OSBPL3: variants seen among roughly 807,000 people sequenced by gnomAD.
The protein encoded by OSBPL3 is oxysterol-binding protein-related protein 3.
A neutral mutation model predicts 120.1 loss-of-function variants in OSBPL3; 65 were observed. That is an observed-to-expected ratio of 0.54 (90% CI 0.44 to 0.67). The LOEUF (loss-of-function observed/expected upper bound fraction) is 0.67. Among genes scored for constraint, OSBPL3 ranks in the 30% least tolerant of loss-of-function variants. The pLI, the probability that OSBPL3 is intolerant of heterozygous loss-of-function variation, is 0.00. For synonymous variants in OSBPL3, 416 were observed against 402.6 expected, an observed-to-expected ratio of 1.03 and a Z score of -0.40; for missense variants, 1,004 against 1,082.1, an observed-to-expected ratio of 0.93 and a Z score of 1.01.
In OSBPL3 at chr7:24,869,024, T is replaced by G. The variant is rs148014321; in HGVS notation, c.381+1708A>C. Among the ~76,000 whole-genome samples the G allele has an allele frequency of 4.0e-3, 616 of 152,280 alleles. 6 individuals are homozygous for G. Among genetic ancestry groups the G allele is most frequent in the African/African-American group, 0.014 (584 of 41,542 alleles). ...CAGGATCCCTTATCTATAAAATAAA[T>G]GGGACCAAACAGCCCACAATTAAAA... On this transcript the variant is annotated intron_variant, in intron 5 of 22. Transcript: ENST00000313367.
At chr7:24,809,146 T>C (rs1175121004) in intron 20 of OSBPL3, among the ~76,000 whole-genome samples, 3 of 152,146 alleles carry the variant, frequency 2.0e-5, no homozygotes, top group Non-Finnish European at 2.9e-5. Context: ...TGGTTTTCTG[T>C]TTGGTTTTTT....
Position 24,800,708 on chromosome 7 carries a change from C to T in OSBPL3, c.2568-429G>A, listed in dbSNP as rs185011350. Among the ~76,000 whole-genome samples the T allele has an allele frequency of 1.4e-3, 209 of 152,048 alleles. 1 individual carries two copies. The highest frequency in any genetic ancestry group is 4.7e-3 in the African/African-American group (195 of 41,486). ...CTGACCTCAGGTGATCCACCCACTTCGGACTCCCAAAGTGCTGGGATTACA... is the reference window on the plus strand; with the variant it reads ...CTGACCTCAGGTGATCCACCCACTTTGGACTCCCAAAGTGCTGGGATTACA... On this transcript the variant is annotated intron_variant, in intron 22 of 22. Coordinates refer to ENST00000313367, the MANE Select transcript of OSBPL3 (RefSeq NM_015550.4).
Position 24,967,427 on chromosome 7 carries a change from C to G in OSBPL3, c.-150+12459G>C, listed in dbSNP as rs1816513135. On this transcript the variant is annotated intron_variant, in intron 1 of 22. Transcript: ENST00000313367. The surrounding 1 kb of genome is among the most constrained non-coding windows in gnomAD (Gnocchi z 5.6). ...CTTTTGAAATTGTACCAGGACACTTCAAGGTCCTGCTCTATTAACACCCTT... is the reference window on the plus strand; with the variant it reads ...CTTTTGAAATTGTACCAGGACACTTGAAGGTCCTGCTCTATTAACACCCTT... Among the ~76,000 whole-genome samples the G allele has an allele frequency of 6.6e-6, 1 of 152,152 alleles. No homozygotes were observed. The highest frequency in any genetic ancestry group is 2.4e-5 in the African/African-American group (1 of 41,444).
chr7:24,852,523 AGACCAAT>A lies in OSBPL3; in HGVS notation c.1132_1138del (p.Ile378Ter). The A allele has an allele frequency of 6.3e-7, 1 of 1,589,034 alleles. No individual in the cohort carries two copies. The highest frequency in any genetic ancestry group is 8.5e-7 in the Non-Finnish European group (1 of 1,173,548). On this transcript the variant is annotated frameshift_variant, in exon 11 of 23. Coordinates refer to ENST00000313367, the MANE Select transcript of OSBPL3 (RefSeq NM_015550.4). LOFTEE classifies it high-confidence loss of function. The surrounding 1 kb of genome is among the most constrained non-coding windows in gnomAD (Gnocchi z 4.1). ...ACTTACGGATGACAGGGCGTTCTTC[AGACCAAT>A]GACCTGAGCAGACGGGGAGGAGGAG...
At chr7:24,880,218 T>A (rs1989914) in intron 2 of OSBPL3, among the ~76,000 whole-genome samples, 6 of 152,126 alleles carry the variant, frequency 3.9e-5, no homozygotes, top group African/African-American at 1.4e-4. Context: ...GATGAGAAAA[T>A]TGAAGCTCCA....
intron 12 of OSBPL3, among the ~76,000 whole-genome samples, chr7:24,844,186 G>C (rs571796556): frequency 6.6e-6 from 1 of 152,198 alleles, no homozygotes; most frequent in Non-Finnish European, 1.5e-5. Flanking sequence ...AACCCAGTCA[G>C]TTCAATTCAG....
chr7:24,890,522 C>G (rs779554792), intron 2 of OSBPL3, among the ~76,000 whole-genome samples: 1 of 152,188 alleles, frequency 6.6e-6, no homozygotes, highest in Non-Finnish European at 1.5e-5. Flanking sequence ...AAACACTAAG[C>G]ATACCCTGGG....
At chr7:24,801,729 G>A (rs1450809044) in intron 22 of OSBPL3, among the ~76,000 whole-genome samples, 4 of 152,160 alleles carry the variant, frequency 2.6e-5, no homozygotes, top group African/African-American at 4.8e-5. Context: ...GCTGAACAGC[G>A]GGGCTGCATA....
intron 1 of OSBPL3, among the ~76,000 whole-genome samples, chr7:24,961,160 C>G (rs564473501): frequency 6.6e-6 from 1 of 152,116 alleles, no homozygotes; most frequent in Non-Finnish European, 1.5e-5. Flanking sequence ...AAGGAAGATA[C>G]CTTCTTTCCC....
At chr7:24,837,739 A>G (rs962969410) in intron 14 of OSBPL3, among the ~76,000 whole-genome samples, 2 of 152,148 alleles carry the variant, frequency 1.3e-5, no homozygotes, top group Non-Finnish European at 2.9e-5. Context: ...TATTATCCCC[A>G]TTTCACAGAT....
chr7:24,979,548 C>G (rs1045648244), intron 1 of OSBPL3, among the ~76,000 whole-genome samples: 1 of 152,242 alleles, frequency 6.6e-6, no homozygotes, highest in Non-Finnish European at 1.5e-5. Flanking sequence ...TAGCGCCTCC[C>G]CGCTGCCCAG....
chr7:24,840,854 C>T, intron 13 of OSBPL3, 71 bp from the exon 14 acceptor site: 1 of 698,754 alleles, frequency 1.4e-6, no homozygotes, highest in Non-Finnish European at 2.4e-6. Context: ...AAAACCCTTA[C>T]TCTAAATGAT....
At chr7:24,942,924 C>A (rs1813268605) in intron 1 of OSBPL3, among the ~76,000 whole-genome samples, 1 of 152,176 alleles carries the variant, frequency 6.6e-6, no homozygotes, top group African/African-American at 2.4e-5. Context: ...GATTAAGAAA[C>A]TACATTACAA....
At chr7:24,963,613 G>A (rs553030571) in intron 1 of OSBPL3, among the ~76,000 whole-genome samples, 2 of 152,362 alleles carry the variant, frequency 1.3e-5, no homozygotes, top group Middle Eastern at 3.4e-3. Flanking sequence ...ACTCTGAGTG[G>A]TGGAATCTGC....
Position 24,866,239 on chromosome 7 carries a change from T to A in OSBPL3, c.382-2A>T. Reference sequence around the variant, plus strand: ...ATCAAAGACTTCTTCTGACTTGACCTATAATATATTCGATTGAAAAAAGGA... The same window carrying A: ...ATCAAAGACTTCTTCTGACTTGACCAATAATATATTCGATTGAAAAAAGGA... On this transcript the variant is annotated splice_acceptor_variant, in intron 5 of 22. Coordinates refer to ENST00000313367, the MANE Select transcript of OSBPL3 (RefSeq NM_015550.4). LOFTEE classifies it high-confidence loss of function. 1 of 1,599,186 alleles carries A rather than the reference T, an allele frequency of 6.3e-7. No individual in the cohort carries two copies. Among genetic ancestry groups the A allele is most frequent in the South Asian group, 1.1e-5 (1 of 90,774 alleles).
In OSBPL3 at chr7:24,851,076, G is replaced by A. The variant is rs1799091995; in HGVS notation, c.1158+1428C>T. 6.6e-6 allele frequency among the ~76,000 whole-genome samples: 1 copy of A among 152,200 alleles called. No individual in the cohort carries two copies. Among genetic ancestry groups the A allele is most frequent in the African/African-American group, 2.4e-5 (1 of 41,438 alleles). Reference sequence around the variant, plus strand: ...TGACAAGATGAGGCCAGGCCTCTGTGGGAGGAGGCAGGGAGAGGAAGATCA... The same window carrying A: ...TGACAAGATGAGGCCAGGCCTCTGTAGGAGGAGGCAGGGAGAGGAAGATCA... On this transcript the variant is annotated intron_variant, in intron 11 of 22. Coordinates refer to ENST00000313367, the MANE Select transcript of OSBPL3 (RefSeq NM_015550.4). The surrounding 1 kb of genome is among the most constrained non-coding windows in gnomAD (Gnocchi z 4.1).
intron 19 of OSBPL3, among the ~76,000 whole-genome samples, chr7:24,812,412 G>A (rs1346144882): frequency 6.6e-6 from 1 of 151,982 alleles, no homozygotes; most frequent in Non-Finnish European, 1.5e-5. Flanking sequence ...CCAGGTCTGC[G>A]AGGCAACCTT....
chr7:24,863,594 C>G lies in OSBPL3; in HGVS notation c.679G>C (p.Ala227Pro), dbSNP rs771328106. Residue 227 changes from alanine (A) to proline (P), a missense_variant, in exon 8 of 23, where the codon GCG becomes CCG. Coordinates refer to ENST00000313367, the MANE Select transcript of OSBPL3 (RefSeq NM_015550.4). The surrounding 1 kb of genome is among the most constrained non-coding windows in gnomAD (Gnocchi z 5.8). ...EDMEKCSKDL[A>P]HCHAYLVEMS... ...TCTACCAGGTAGGCATGACAGTGCG[C>G]CAGGTCTGTGGGGGAAAAGAGGACA... 4 of 1,611,146 alleles carry G rather than the reference C, an allele frequency of 2.5e-6. No homozygotes were observed. In the East Asian group the frequency reaches 8.9e-5, roughly 36 times the overall value.
At position 24,916,593 on chromosome 7, in the gene OSBPL3, T is replaced by C. The variant is rs1026276722; in HGVS notation, c.-149-23972A>G. Among the ~76,000 whole-genome samples, 6 of 152,238 alleles carry C rather than the reference T, an allele frequency of 3.9e-5. No homozygotes were observed. Among genetic ancestry groups the C allele is most frequent in the East Asian group, 1.9e-4 (1 of 5,174 alleles). On this transcript the variant is annotated intron_variant, in intron 1 of 22. Coordinates refer to ENST00000313367, the MANE Select transcript of OSBPL3 (RefSeq NM_015550.4). The surrounding 1 kb of genome is among the most constrained non-coding windows in gnomAD (Gnocchi z 4.9). ...CCCCAACCTCAGATTCTGACTCATA[T>C]ACCTCCATCAGTCTTCTTCATTCCC...
Sources: gnomAD v4.1 joint callset for allele counts (sites outside exome capture counted in the v4.1 genomes callset) on GRCh38, gnomAD v4.1.1 for gene constraint, Gnocchi (gnomAD v3.1) non-coding constraint, MANE v1.5 for transcripts, NCBI Gene and HGNC (gene_info 2026-07-23, HGNC 2026-07-21) for gene names.